TEP1: variants seen among roughly 807,000 people sequenced by gnomAD.
TEP1 encodes telomerase protein component 1.
TEP1 carries 241 observed loss-of-function variants against 306.3 expected under a neutral mutation model. The ratio of observed to expected loss-of-function variants is 0.79; its 90% CI spans 0.71 to 0.88. TEP1 has a LOEUF of 0.88. TEP1 is among the 40% of genes least tolerant of loss of function. TEP1 has a pLI of 0.00. For missense variants in TEP1, 3,051 were observed against 3,276.1 expected, an observed-to-expected ratio of 0.93 and a Z score of 1.68; for synonymous variants, 1,289 against 1,305.5, an observed-to-expected ratio of 0.99 and a Z score of 0.27.
At chr14:20,370,573 A>T (rs1248254718) in intron 51 of TEP1, among the ~76,000 whole-genome samples, 1 of 152,210 alleles carries the variant, frequency 6.6e-6, no homozygotes, top group East Asian at 1.9e-4. Context: ...CATTGTATAG[A>T]TATACCACAA....
Position 20,382,044 on chromosome 14 carries a change from C to T in TEP1, c.4293G>A (p.Leu1431=), listed in dbSNP as rs1876611079. The T allele has an allele frequency of 3.1e-6, 5 of 1,614,048 alleles. No individual in the cohort carries two copies. The Admixed American group carries it at 8.3e-5, about 27-fold the overall frequency. Residue 1431 remains leucine, a synonymous_variant, in exon 30 of 55, where the codon CTG becomes CTA. Transcript: ENST00000262715. The stretch of plus-strand genomic sequence containing the variant: ...TCCGCCACACACTCAGCACTCCGTG[C>T]AGCTGGTCCACAGTCAAACCTGAAA... ...VTRSGLTVDQ[L]HGVLSVWRTL... is the part of the protein sequence containing the mutation.
At chr14:20,382,520 G>T (rs1464199518) in intron 28 of TEP1, 103 bp downstream of exon 28, 15 of 1,536,150 alleles carry the variant, frequency 9.8e-6, no homozygotes, top group Non-Finnish European at 4.5e-6. Flanking sequence ...ATAGGGAGTG[G>T]GTGATCACAA....
rs1198133920 is a variant in TEP1 at position 20,382,188 on chromosome 14, C to T, written c.4273+36G>A. 7 of 1,613,866 alleles carry T rather than the reference C, an allele frequency of 4.3e-6. No homozygotes were observed. The Admixed American group carries it at 1.2e-4, about 27-fold the overall frequency. ...GAACCAATGTAATCCGAACCCTGGC[C>T]CTCAGCCTCCCAACCAACCCACCCC... On this transcript the variant is annotated intron_variant, in intron 29 of 54. Transcript: ENST00000262715.
Position 20,381,095 on chromosome 14 carries a change from A to G in TEP1, c.4648-50T>C, listed in dbSNP as rs763378251. ...TAGGGATATGAAGGGGCTGGTGAGA[A>G]GGGACAGTTTAGTCTCAGAACCTGG... On this transcript the variant is annotated intron_variant, in intron 32 of 54. Transcript: ENST00000262715. The surrounding 1 kb of genome is among the most constrained non-coding windows in gnomAD (Gnocchi z 4.0). The G allele has an allele frequency of 6.7e-7, 1 of 1,490,128 alleles. No homozygotes were observed. Among genetic ancestry groups the G allele is most frequent in the South Asian group, 1.1e-5 (1 of 88,226 alleles). 92.3% of individuals were successfully genotyped at this position (1,490,128 alleles called of 1,614,324 possible). A position where few individuals can be genotyped will look rare whatever the true frequency, so the allele number is the denominator to read the frequency against.
chr14:20,381,145 G>T lies in TEP1; in HGVS notation c.4648-100C>A. 8.1e-7 allele frequency: 1 copy of T among 1,240,022 alleles called. No individual in the cohort carries two copies. Among genetic ancestry groups the T allele is most frequent in the Non-Finnish European group, 1.2e-6 (1 of 843,870 alleles). The allele number at this position is 1,240,022 out of a possible 1,614,324, so 76.8% of individuals were successfully genotyped here. A position where few individuals can be genotyped will look rare whatever the true frequency, so the allele number is the denominator to read the frequency against. On this transcript the variant is annotated intron_variant, in intron 32 of 54. Transcript: ENST00000262715. The surrounding 1 kb of genome is among the most constrained non-coding windows in gnomAD (Gnocchi z 4.0). ...GATACAGAGATAGGATCTGAGCTGG[G>T]ACAAAGGACTTGAAGAAGAAGGGCA...
intron 29 of TEP1, 56 bp downstream of exon 29, chr14:20,382,168 A>C (rs1024430685): frequency 6.2e-7 from 1 of 1,613,166 alleles, no homozygotes; most frequent in African/African-American, 1.3e-5. Flanking sequence ...CAAGGGAACC[A>C]ATGTAATCCG....
Position 20,404,758 on chromosome 14 carries a change from G to A in TEP1, c.885C>T (p.Ala295=), listed in dbSNP as rs1879042699. The change falls in exon 5 of 55, where the codon GCC becomes GCT. Residue 295 remains alanine, a synonymous_variant. Coordinates refer to ENST00000262715, the MANE Select transcript of TEP1 (RefSeq NM_007110.5). ...CATTCCGGACGTTCAGCTGCTGCCT[G>A]GCATACAAAGATGCCTAGGACACAG... The part of the protein sequence containing the change: ...PEFILKASLY[A]RQQLNVRNVA... The A allele has an allele frequency of 1.2e-6, 2 of 1,610,316 alleles. No individual in the cohort carries two copies. Among genetic ancestry groups the A allele is most frequent in the African/African-American group, 2.7e-5 (2 of 74,844 alleles).
At chr14:20,377,206 G>A in intron 41 of TEP1, 74 bp downstream of exon 41, 1 of 1,250,864 alleles carries the variant, frequency 8.0e-7, no homozygotes. Context: ...CAAGAGTGAA[G>A]CTCTGTCTTA....
intron 1 of TEP1, among the ~76,000 whole-genome samples, chr14:20,412,335 T>C (rs1055639481): frequency 1.3e-5 from 2 of 152,104 alleles, no homozygotes; most frequent in Non-Finnish European, 2.9e-5. Flanking sequence ...TTGAGCAACA[T>C]AGTGAGACTG....
At position 20,383,702 on chromosome 14, in the gene TEP1, C is replaced by A. The variant is rs757100629; in HGVS notation, c.3710+41G>T. On this transcript the variant is annotated intron_variant, in intron 25 of 54. Coordinates refer to ENST00000262715, the MANE Select transcript of TEP1 (RefSeq NM_007110.5). ...AGAGAAAAAAAAAGCAGGGGTGGTA[C>A]GTGGGCATCAACAAGGCTGGGCTCA... 7 of 1,607,586 alleles carry A rather than the reference C, an allele frequency of 4.4e-6. No homozygotes were observed. In the Middle Eastern group the frequency reaches 5.0e-4, roughly 114 times the overall value.
chr14:20,380,153 G>C, intron 34 of TEP1, 82 bp downstream of exon 34: 1 of 1,581,346 alleles, frequency 6.3e-7, no homozygotes, highest in Non-Finnish European at 8.6e-7. Flanking sequence ...CAGTGTTTCT[G>C]GTCATCCTTA....
intron 46 of TEP1, 28 bp from the exon 47 acceptor site, chr14:20,373,430 A>G: frequency 6.2e-7 from 1 of 1,613,950 alleles, no homozygotes; most frequent in Non-Finnish European, 8.5e-7. Context: ...AGATGGGCTC[A>G]TGAGAGTGGG....
At position 20,388,934 on chromosome 14, in the gene TEP1, G is replaced by T. The variant is rs1389252666; in HGVS notation, c.2525+304C>A. Among the ~76,000 whole-genome samples, 5 of 152,174 alleles carry T rather than the reference G, an allele frequency of 3.3e-5. No homozygotes were observed. In the East Asian group the frequency reaches 9.6e-4, roughly 29 times the overall value. ...GGAGGCTGAGGTGGGTGGATCACAA[G>T]GTCAGGAGTTCAAGACCAGCCTGAC... On this transcript the variant is annotated intron_variant, in intron 17 of 54. Coordinates refer to ENST00000262715, the MANE Select transcript of TEP1 (RefSeq NM_007110.5).
intron 42 of TEP1, 34 bp from the exon 43 acceptor site, chr14:20,375,902 A>C (rs917371438): frequency 6.4e-7 from 1 of 1,569,296 alleles, no homozygotes; most frequent in African/African-American, 1.4e-5. Flanking sequence ...AGCAATCAGG[A>C]CCAAAGGAAG....
intron 1 of TEP1, among the ~76,000 whole-genome samples, chr14:20,409,475 A>G (rs920952700): frequency 2.6e-5 from 4 of 152,072 alleles, no homozygotes; most frequent in African/African-American, 9.7e-5. Flanking sequence ...CTTCATATTC[A>G]CTTATCCATT....
intron 1 of TEP1, among the ~76,000 whole-genome samples, chr14:20,409,690 T>G (rs572952959): frequency 6.6e-6 from 1 of 152,264 alleles, no homozygotes; most frequent in Admixed American, 6.5e-5. Flanking sequence ...GATACTTAAA[T>G]TCTCTGTGTC....
chr14:20,396,417 C>T (rs552105330), intron 10 of TEP1, among the ~76,000 whole-genome samples: 1 of 152,380 alleles, frequency 6.6e-6, no homozygotes, highest in South Asian at 2.1e-4. Flanking sequence ...TCTACTGTAA[C>T]TTCTCAAAGG....
In TEP1 at chr14:20,368,405, A is replaced by C. The variant is rs202130386; in HGVS notation, c.*32T>G. 13 of 1,608,588 alleles carry C rather than the reference A, an allele frequency of 8.1e-6. No homozygotes were observed. The highest frequency in any genetic ancestry group is 1.1e-5 in the Non-Finnish European group (13 of 1,175,402). On this transcript the variant is annotated 3_prime_UTR_variant, in exon 55 of 55. Transcript: ENST00000262715. Reference sequence around the variant, plus strand: ...TCTTCAGGCTTTGCATCTCTAGCACAAGGGGTATCATTATTCCCGAGTGGC... The same window carrying C: ...TCTTCAGGCTTTGCATCTCTAGCACCAGGGGTATCATTATTCCCGAGTGGC...
At chr14:20,371,457 A>C in intron 50 of TEP1, 32 bp downstream of exon 50, 1 of 1,607,216 alleles carries the variant, frequency 6.2e-7, no homozygotes, top group Non-Finnish European at 8.5e-7. Context: ...CTTTTTCCCC[A>C]GCTCAGGAGG....
Sources: gnomAD v4.1 joint callset for allele counts (sites outside exome capture counted in the v4.1 genomes callset) on GRCh38, gnomAD v4.1.1 for gene constraint, Gnocchi (gnomAD v3.1) non-coding constraint, MANE v1.5 for transcripts, NCBI Gene and HGNC (gene_info 2026-07-23, HGNC 2026-07-21) for gene names.